Variants in CHL1 observed in about 807,000 individuals in gnomAD.
CHL1 encodes neural cell adhesion molecule L1-like protein.
A neutral mutation model predicts 141.9 loss-of-function variants in CHL1; 96 were observed. That is an observed-to-expected ratio of 0.68 (90% confidence interval 0.57 to 0.80). The LOEUF (loss-of-function observed/expected upper bound fraction) is 0.80, where lower values mean the gene tolerates loss of function less well. CHL1 is among the 30% of genes least tolerant of loss of function. The pLI is 0.00. For synonymous variants in CHL1, 613 were observed against 502.2 expected (o/e 1.22, Z -2.95); for missense variants, 1,820 against 1,457.2 (o/e 1.25, Z -4.05).
At chr3:213,959 C>T (rs548423001) in intron 1 of CHL1, among the ~76,000 whole-genome samples, 1 of 152,090 alleles carries the variant, frequency 6.6e-6, no homozygotes, top group Non-Finnish European at 1.5e-5. Context: ...TATTATAAAA[C>T]AGGAGCCCTC....
chr3:357,692 G>A (rs1032380931), intron 11 of CHL1, among the ~76,000 whole-genome samples: 1 of 152,196 alleles, frequency 6.6e-6, no homozygotes, highest in Non-Finnish European at 1.5e-5. Flanking sequence ...TGAATCCTGG[G>A]AGCTTCTGTT....
rs150416047 is a variant in CHL1, at chr3:338,560, CTAAA to C, written c.386-2231_386-2228del. On this transcript the variant is annotated intron_variant, in intron 5 of 27. Transcript: ENST00000256509. The stretch of plus-strand genomic sequence containing the variant: ...ACTTTTTATCGTGCCATCAAACTCA[CTAAA>C]TAGTTTCAGAGTCAAAGGATAAGAC... Among the ~76,000 whole-genome samples the C allele has an allele frequency of 2.8e-3, 425 of 152,214 alleles. 3 individuals carry two copies. Among genetic ancestry groups the C allele is most frequent in the African/African-American group, 9.6e-3 (399 of 41,520 alleles).
intron 2 of CHL1, among the ~76,000 whole-genome samples, chr3:302,787 C>G (rs182270317): frequency 2.6e-5 from 4 of 152,104 alleles, no homozygotes; most frequent in African/African-American, 9.7e-5. Flanking sequence ...GTTGCCATTG[C>G]TTTTAGTGTT....
In CHL1 at chr3:238,287, GT is replaced by G. The variant is rs1692192141; in HGVS notation, c.-174-6323del. 1.3e-5 allele frequency among the ~76,000 whole-genome samples: 2 copies of G among 152,032 alleles called. 1 individual carries two copies. Among genetic ancestry groups the G allele is most frequent in the South Asian group, 4.1e-4 (2 of 4,830 alleles). ...CAAAAAAGAGGTATTTTCAATCCCA[GT>G]TTCTTAAGAATATTGACCTAAATAT... On this transcript the variant is annotated intron_variant, in intron 1 of 27. Coordinates refer to ENST00000256509, the MANE Select transcript of CHL1 (RefSeq NM_006614.4).
At chr3:344,566 G>T (rs1399728092) in intron 8 of CHL1, 23 bp from the exon 9 acceptor site, 4 of 1,583,312 alleles carry the variant, frequency 2.5e-6, no homozygotes, top group Non-Finnish European at 3.4e-6. Flanking sequence ...AAAAAATTCT[G>T]ACTTTTCTTT....
chr3:375,223 T>A (rs1015786738), intron 15 of CHL1, among the ~76,000 whole-genome samples: 3 of 152,152 alleles, frequency 2.0e-5, no homozygotes, highest in African/African-American at 7.2e-5. Flanking sequence ...AGCATGGCTA[T>A]GAAACCATTT....
intron 15 of CHL1, among the ~76,000 whole-genome samples, chr3:370,105 G>A (rs200251690): frequency 1.3e-5 from 2 of 152,130 alleles, no homozygotes; most frequent in East Asian, 3.8e-4. Context: ...GATGATGCTG[G>A]CTTCACAAAA....
At chr3:372,540 A>T (rs537770564) in intron 15 of CHL1, among the ~76,000 whole-genome samples, 27 of 152,170 alleles carry the variant, frequency 1.8e-4, no homozygotes, top group African/African-American at 6.3e-4. Context: ...GCTTCCTTGC[A>T]TTGGGTTAGA....
chr3:355,125 G>A (rs1188287448), intron 11 of CHL1, among the ~76,000 whole-genome samples: 1 of 152,140 alleles, frequency 6.6e-6, no homozygotes, highest in Non-Finnish European at 1.5e-5. Context: ...AGCAGCTGAG[G>A]GCACAGGTTC....
intron 27 of CHL1, among the ~76,000 whole-genome samples, chr3:404,882 A>T (rs896146028): frequency 2.5e-4 from 38 of 152,306 alleles, no homozygotes; most frequent in African/African-American, 7.9e-4. Context: ...CAGAAACTTA[A>T]TTCCCACAGT....
At chr3:213,619 G>T (rs1700067273) in intron 1 of CHL1, 1 of 152,154 alleles carries the variant, frequency 6.6e-6, no homozygotes. Context: ...ATGCAAAATA[G>T]AGGATGAAAA....
rs1038894214 is a variant in CHL1, at chr3:382,405, G to C, written c.1979-69G>C. 2.4e-5 allele frequency: 35 copies of C among 1,485,292 alleles called. 1 individual carries two copies. Among genetic ancestry groups the C allele is most frequent in the Non-Finnish European group, 3.2e-5 (34 of 1,067,320 alleles). 92.0% of individuals were successfully genotyped at this position (1,485,292 alleles called of 1,614,324 possible). ...CATCCTTTTGAACTTTTAATATTGA[G>C]TATAAATTTTGGTATAACTTATCCA... On this transcript the variant is annotated intron_variant, in intron 17 of 27. Coordinates refer to ENST00000256509, the MANE Select transcript of CHL1 (RefSeq NM_006614.4).
In CHL1 at chr3:407,352, A is replaced by G. The variant is rs991187578; in HGVS notation, c.*1641A>G. ...TATAATAGTCAGCGCAGGAATGCAC[A>G]TGGAATATCTACTTGTCCTTTTGAA... On this transcript the variant is annotated 3_prime_UTR_variant, in exon 28 of 28. Coordinates refer to ENST00000256509, the MANE Select transcript of CHL1 (RefSeq NM_006614.4). 3 of 152,280 alleles carry G rather than the reference A, an allele frequency of 2.0e-5. No homozygotes were observed. The South Asian group carries it at 6.2e-4, about 32-fold the overall frequency. The allele number at this position is 152,280 out of a possible 1,614,324, so 9.4% of individuals were successfully genotyped here.
chr3:240,779 AGG>A (rs1692483134), intron 1 of CHL1, among the ~76,000 whole-genome samples: 1 of 48,030 alleles, frequency 2.1e-5, no homozygotes, highest in Non-Finnish European at 7.2e-5. Flanking sequence ...TGTATAAGGT[AGG>A]AGATGAGGAT....
At chr3:350,155 A>G (rs1279593902) in intron 10 of CHL1, among the ~76,000 whole-genome samples, 9 of 152,232 alleles carry the variant, frequency 5.9e-5, no homozygotes, top group Admixed American at 5.2e-4. Flanking sequence ...AAAAAGTGCA[A>G]AAACATTATA....
intron 8 of CHL1, among the ~76,000 whole-genome samples, chr3:343,632 G>A (rs1353215123): frequency 6.6e-6 from 1 of 152,172 alleles, no homozygotes; most frequent in Non-Finnish European, 1.5e-5. Flanking sequence ...TCTCTATAAT[G>A]AGAAGAGTCA....
intron 1 of CHL1, among the ~76,000 whole-genome samples, chr3:225,151 A>G (rs145015960): frequency 6.6e-6 from 1 of 152,176 alleles, no homozygotes; most frequent in Non-Finnish European, 1.5e-5. Flanking sequence ...ACTCAAAAAG[A>G]TTGTGTTAGG....
At chr3:382,088 C>G (rs983514168) in intron 16 of CHL1, 91 bp from the exon 17 acceptor site, 2 of 1,086,466 alleles carry the variant, frequency 1.8e-6, no homozygotes, top group African/African-American at 3.1e-5. Context: ...GTGGTACCTC[C>G]TCTGTCTCCG....
At chr3:233,543 A>G (rs1167011006) in intron 1 of CHL1, among the ~76,000 whole-genome samples, 1 of 152,174 alleles carries the variant, frequency 6.6e-6, no homozygotes, top group Non-Finnish European at 1.5e-5. Flanking sequence ...ACATTAAGTC[A>G]TCTTCAATTT....
Sources: gnomAD v4.1 joint callset for allele counts (sites outside exome capture counted in the v4.1 genomes callset) on GRCh38, gnomAD v4.1.1 for gene constraint, MANE v1.5 for transcripts, NCBI Gene and HGNC (gene_info 2026-07-23, HGNC 2026-07-21) for gene names.